MROH6: variants seen among roughly 807,000 people sequenced by gnomAD.
The protein encoded by MROH6 is maestro heat like repeat family member 6.
In MROH6, 62 loss-of-function variants were observed where a neutral mutation model predicts 67.7. The observed-to-expected ratio is 0.92, with a 90% CI of 0.75 to 1.13. The LOEUF is 1.13. MROH6 is among the 50% of genes most tolerant of loss of function. MROH6 has a pLI of 0.00. For synonymous variants in MROH6, 566 were observed against 470.8 expected (o/e 1.20, Z -2.62); for missense variants, 1,175 against 1,029.1 (o/e 1.14, Z -1.94).
rs767702908 is a variant in MROH6 at position 143,567,836 on chromosome 8, T to G, written c.1817A>C (p.Tyr606Ser). The G allele has an allele frequency of 9.8e-6, 15 of 1,531,340 alleles. No individual in the cohort carries two copies. The Admixed American group carries it at 3.2e-4, about 32-fold the overall frequency. 94.9% of individuals were successfully genotyped at this position (1,531,340 alleles called of 1,614,324 possible). ...CAGGGGGTCCTGTGGACTCCGCAGGTAGCCCTGGGTCTGGCTCAGGAAGTT... is the reference window on the plus strand; with the variant it reads ...CAGGGGGTCCTGTGGACTCCGCAGGGAGCCCTGGGTCTGGCTCAGGAAGTT... ...VPNFLSQTQGYLRSPQDPLRR... is the reference protein window; with the variant it reads ...VPNFLSQTQGSLRSPQDPLRR... Residue 606 changes from tyrosine (Y) to serine (S), a missense_variant, in exon 12 of 14, where the codon TAC (tyrosine) becomes TCC (serine). Tyr to Ser is a moderately radical substitution (Grantham distance 144, BLOSUM62 -2). Coordinates refer to ENST00000398882, the MANE Select transcript of MROH6 (RefSeq NM_001100878.2).
rs1823635284 is a variant in MROH6, at chr8:143,566,806, G to C, written c.*433C>G. On this transcript the variant is annotated 3_prime_UTR_variant, in exon 14 of 14. Coordinates refer to ENST00000398882, the MANE Select transcript of MROH6 (RefSeq NM_001100878.2). ...AGCCTTAGGATGCTGGCAGGGAATG[G>C]GGTGAGGGATGAGGATCGGGGGTGC... The C allele has an allele frequency of 6.4e-6, 1 of 156,932 alleles. No homozygotes were observed. The highest frequency in any genetic ancestry group is 6.5e-5 in the Admixed American group (1 of 15,406). The allele number at this position is 156,932 out of a possible 1,614,324, so 9.7% of individuals were successfully genotyped here.
chr8:143,567,645 A>G lies in MROH6; in HGVS notation c.1899T>C (p.Cys633=), dbSNP rs750711693. Residue 633 remains cysteine (C), a synonymous_variant, in exon 13 of 14, where the codon TGT becomes TGC. Coordinates refer to ENST00000398882, the MANE Select transcript of MROH6 (RefSeq NM_001100878.2). ...GGGAGTCCAGCAGGTCCTGGTTGAC[A>G]CAGCCGGGGCTGGCGTGGTGGACAA... The part of the protein sequence containing the change: ...GFLVHHASPG[C]VNQDLLDSLF... 21 of 1,573,936 alleles carry G rather than the reference A, an allele frequency of 1.3e-5. 1 individual carries two copies. In the South Asian group the frequency reaches 2.3e-4, roughly 17 times the overall value.
chr8:143,571,045 G>T, intron 3 of MROH6, 51 bp from the exon 4 acceptor site: 1 of 1,472,294 alleles, frequency 6.8e-7, no homozygotes, highest in Non-Finnish European at 9.3e-7. Context: ...TGGGTGTCCA[G>T]GGAATGTAGG....
rs555208713 is a variant in MROH6 at position 143,567,218 on chromosome 8, C to T, written c.*21G>A. On this transcript the variant is annotated 3_prime_UTR_variant, in exon 14 of 14. Coordinates refer to ENST00000398882, the MANE Select transcript of MROH6 (RefSeq NM_001100878.2). ...GGGGTGCCCGAGTCGGACCCTGGCC[C>T]TCGGGCCCCAGCCCCGAGCCTCAGG... The T allele has an allele frequency of 2.6e-4, 316 of 1,212,362 alleles. No individual in the cohort carries two copies. Among genetic ancestry groups the T allele is most frequent in the Admixed American group, 1.2e-3 (29 of 23,322 alleles). 75.1% of individuals were successfully genotyped at this position (1,212,362 alleles called of 1,614,324 possible).
chr8:143,567,679 G>A lies in MROH6; in HGVS notation c.1868-3C>T. ...GCTGGCGTGGTGGACAAGGAAGCCTGGACCACAGCAGATGCATGAGTGCAG... is the reference window on the plus strand; with the variant it reads ...GCTGGCGTGGTGGACAAGGAAGCCTAGACCACAGCAGATGCATGAGTGCAG... On this transcript the variant is annotated splice_polypyrimidine_tract_variant and splice_region_variant and intron_variant, in intron 12 of 13. Transcript: ENST00000398882. 3 of 1,579,312 alleles carry A rather than the reference G, an allele frequency of 1.9e-6. No individual in the cohort carries two copies. The highest frequency in any genetic ancestry group is 2.6e-6 in the Non-Finnish European group (3 of 1,163,408).
rs1434442557 is a variant in MROH6 at position 143,572,643 on chromosome 8, CA to C, written c.71del (p.Leu24ArgfsTer141). On this transcript the variant is annotated frameshift_variant, in exon 1 of 14. Transcript: ENST00000398882. LOFTEE classifies it high-confidence loss of function. The stretch of plus-strand genomic sequence containing the variant: ...CCTGCCTGGCCCGGATTCCTTCAGT[CA>C]GTGCTGTCAGGGTTAGAGCCCCCAC... ...APVGALTLTALTEGIRARQGQ... is the reference protein window; with the variant it reads ...APVGALTLTAXTEGIRARQGQ... 1 of 1,577,146 alleles carries C rather than the reference CA, an allele frequency of 6.3e-7. No homozygotes were observed. Among genetic ancestry groups the C allele is most frequent in the Admixed American group, 1.8e-5 (1 of 56,732 alleles).
At chr8:143,568,884 G>T (rs921203731) in intron 9 of MROH6, 165 bp from the exon 10 acceptor site, 6 of 557,824 alleles carry the variant, frequency 1.1e-5, no homozygotes, top group Non-Finnish European at 1.8e-5. Context: ...TGGTTGGGAA[G>T]CCTGGAGAGC....
At chr8:143,570,788 T>C (rs1823979874) in intron 4 of MROH6, 89 bp downstream of exon 4, 4 of 1,406,258 alleles carry the variant, frequency 2.8e-6, no homozygotes, top group African/African-American at 2.8e-5. Context: ...AGCAGTTACC[T>C]AGGTGCAAAC....
intron 4 of MROH6, 53 bp downstream of exon 4, chr8:143,570,824 T>TCC: frequency 8.4e-7 from 1 of 1,186,584 alleles, no homozygotes; most frequent in South Asian, 1.3e-5. Flanking sequence ...TCCCCGCTCC[T>TCC]CGCCACCCCC....
intron 4 of MROH6, 50 bp downstream of exon 4, chr8:143,570,826 GC>G: frequency 8.5e-7 from 1 of 1,171,226 alleles, no homozygotes; most frequent in Non-Finnish European, 1.2e-6. Flanking sequence ...CCCGCTCCTC[GC>G]CACCCCCCAC....
At chr8:143,571,973 C>A in intron 2 of MROH6, 60 bp downstream of exon 2, 2 of 1,559,400 alleles carry the variant, frequency 1.3e-6, no homozygotes, top group East Asian at 2.3e-5. Context: ...AGGCCCCTCC[C>A]ACCACCTTGG....
Position 143,572,129 on chromosome 8 carries a change from A to T in MROH6, c.351T>A (p.Ala117=), listed in dbSNP as rs771023746. ...GVLADLALYT[A]ACLEEAGFAG... is the part of the protein sequence containing the mutation. ...CAAAGCCAGCCTCCTCCAGGCAGGC[A>T]GCCGTGTACAACGCGAGGTCGGCAA... Residue 117 remains alanine, a synonymous_variant, in exon 2 of 14, where the codon GCT becomes GCA. Transcript: ENST00000398882. The T allele has an allele frequency of 6.2e-7, 1 of 1,613,060 alleles. No homozygotes were observed. Among genetic ancestry groups the T allele is most frequent in the Non-Finnish European group, 8.5e-7 (1 of 1,179,868 alleles).
intron 4 of MROH6, 85 bp from the exon 5 acceptor site, chr8:143,570,742 T>C (rs1270106148): frequency 5.4e-5 from 79 of 1,475,760 alleles, no homozygotes; most frequent in Middle Eastern, 1.8e-4. Flanking sequence ...GTCAACAGGA[T>C]GGGGACAGCC....
rs574639847 is a variant in MROH6, at chr8:143,571,518, G to C, written c.602+149C>G. ...GCGGAGCTAAAAATGAGGGGAGCGG[G>C]AATGGATACGGGGCATGAGTCATCG... On this transcript the variant is annotated intron_variant, in intron 3 of 13. Transcript: ENST00000398882. The C allele has an allele frequency of 2.3e-4, 231 of 1,020,068 alleles. No individual in the cohort carries two copies. In the African/African-American group the frequency reaches 3.4e-3, roughly 15 times the overall value. The allele number at this position is 1,020,068 out of a possible 1,614,324, so 63.2% of individuals were successfully genotyped here. A position where few individuals can be genotyped will look rare whatever the true frequency, so the allele number is the denominator to read the frequency against.
rs765014756 is a variant in MROH6 at position 143,570,538 on chromosome 8, C to CG, written c.839dup (p.Cys281ValfsTer19). On this transcript the variant is annotated frameshift_variant, in exon 5 of 14. Coordinates refer to ENST00000398882, the MANE Select transcript of MROH6 (RefSeq NM_001100878.2). LOFTEE classifies it high-confidence loss of function. ...AAATCTTGGGCATGTCGGGGGAGCA[C>CG]GGGCTGCGGGCCAGCTTGTGCAGCT... is the stretch of plus-strand genomic sequence containing the variant. 1 of 1,611,432 alleles carries CG rather than the reference C, an allele frequency of 6.2e-7. No homozygotes were observed. The highest frequency in any genetic ancestry group is 1.1e-5 in the South Asian group (1 of 91,086).
intron 1 of MROH6, 98 bp from the exon 2 acceptor site, chr8:143,572,283 G>A: frequency 1.3e-6 from 2 of 1,544,160 alleles, no homozygotes; most frequent in Non-Finnish European, 1.8e-6. Context: ...AAAATCCCTT[G>A]CTCCTCTGTT....
intron 1 of MROH6, 47 bp downstream of exon 1, chr8:143,572,374 A>T: frequency 6.7e-7 from 1 of 1,501,136 alleles, no homozygotes; most frequent in Non-Finnish European, 8.9e-7. Flanking sequence ...TACCATCCAC[A>T]GGACCCCCAG....
chr8:143,572,482 G>T lies in MROH6; in HGVS notation c.233C>A (p.Ala78Asp), dbSNP rs770876099. 6.2e-7 allele frequency: 1 copy of T among 1,603,424 alleles called. No individual in the cohort carries two copies. The highest frequency in any genetic ancestry group is 1.1e-5 in the South Asian group (1 of 89,916). Residue 78 changes from alanine (A) to aspartate (D), a missense_variant, in exon 1 of 14, where the codon GCT becomes GAT. Physicochemically the swap from Ala to Asp is moderately radical, Grantham distance 126. Coordinates refer to ENST00000398882, the MANE Select transcript of MROH6 (RefSeq NM_001100878.2). Reference protein sequence around the residue: ...EPGRGATVPEAGSEPCSLNSA... With the variant: ...EPGRGATVPEDGSEPCSLNSA... ...GTTGAGGGAGCAGGGCTCGCTGCCA[G>T]CTTCAGGGACGGTGGCCCCACGTCC...
At position 143,572,755 on chromosome 8, in the gene MROH6, G is replaced by A. The variant is rs777300693; in HGVS notation, c.-41C>T. 7.6e-6 allele frequency: 11 copies of A among 1,449,370 alleles called. No individual in the cohort carries two copies. The highest frequency in any genetic ancestry group is 5.7e-5 in the South Asian group (4 of 70,566). The allele number at this position is 1,449,370 out of a possible 1,614,324, so 89.8% of individuals were successfully genotyped here. A position where few individuals can be genotyped will look rare whatever the true frequency, so the allele number is the denominator to read the frequency against. On this transcript the variant is annotated 5_prime_UTR_variant, in exon 1 of 14. Transcript: ENST00000398882. Reference sequence around the variant, plus strand: ...CAGCACCTGCCGCTGCTCCTCCTGCGAAGTTGTGCCCAGGACTGACCTAGA... The same window carrying A: ...CAGCACCTGCCGCTGCTCCTCCTGCAAAGTTGTGCCCAGGACTGACCTAGA...
Sources: gnomAD v4.1 joint callset for allele counts on GRCh38, gnomAD v4.1.1 for gene constraint, MANE v1.5 for transcripts, NCBI Gene and HGNC (gene_info 2026-07-23, HGNC 2026-07-21) for gene names.